RHOQ: variants seen among roughly 807,000 people sequenced by gnomAD.
RHOQ encodes the protein rho-related GTP-binding protein RhoQ.
A neutral mutation model predicts 25.8 loss-of-function variants in RHOQ; 7 were observed. The observed-to-expected ratio is 0.27, with a 90% CI of 0.15 to 0.51. The LOEUF (loss-of-function observed/expected upper bound fraction) is 0.51, where lower values mean the gene tolerates loss of function less well. Ranked by LOEUF, RHOQ falls within the 20% of genes least tolerant of loss-of-function variation. The pLI is 0.97. For synonymous variants in RHOQ, 97 were observed against 98.6 expected (o/e 0.98, Z 0.10); for missense variants, 165 against 260.6 (o/e 0.63, Z 2.53).
intron 2 of RHOQ, among the ~76,000 whole-genome samples, chr2:46,559,248 G>C (rs1304274406): frequency 6.6e-6 from 1 of 151,990 alleles, no homozygotes; most frequent in Non-Finnish European, 1.5e-5. Context: ...CACCTGCCTC[G>C]GCCTCTCAAA....
At chr2:46,561,795 C>T (rs1427020232) in intron 2 of RHOQ, among the ~76,000 whole-genome samples, 3 of 152,182 alleles carry the variant, frequency 2.0e-5, no homozygotes, top group Non-Finnish European at 4.4e-5. Context: ...GTAGGTCATA[C>T]TGTCTACCCC....
Position 46,576,052 on chromosome 2 carries a change from G to A in RHOQ, c.202-35G>A. 1 of 1,554,216 alleles carries A rather than the reference G, an allele frequency of 6.4e-7. No homozygotes were observed. The highest frequency in any genetic ancestry group is 8.7e-7 in the Non-Finnish European group (1 of 1,152,706). On this transcript the variant is annotated intron_variant, in intron 2 of 4. Coordinates refer to ENST00000238738, the MANE Select transcript of RHOQ (RefSeq NM_012249.4). This position sits in a 1 kb window ranked among gnomAD's most constrained non-coding sequence, Gnocchi z 5.1. Reference sequence around the variant, plus strand: ...CATATTACTAGTAAACAATAGAAATGTAAATACATAATGAGGCTTTTCTTT... The same window carrying A: ...CATATTACTAGTAAACAATAGAAATATAAATACATAATGAGGCTTTTCTTT...
chr2:46,561,452 C>T (rs1261308317), intron 2 of RHOQ, among the ~76,000 whole-genome samples: 4 of 151,996 alleles, frequency 2.6e-5, no homozygotes, highest in African/African-American at 7.3e-5. Context: ...ACAGAGTAGT[C>T]GTTCATCGGA....
intron 2 of RHOQ, among the ~76,000 whole-genome samples, chr2:46,562,197 C>T (rs1444986829): frequency 1.3e-5 from 2 of 152,162 alleles, no homozygotes; most frequent in African/African-American, 2.4e-5. Flanking sequence ...GAAACTCCCT[C>T]ATCCCCACTG....
intron 1 of RHOQ, chr2:46,543,545 G>C (rs1307471920): frequency 6.5e-6 from 4 of 610,824 alleles, no homozygotes; most frequent in Non-Finnish European, 5.9e-6. Flanking sequence ...TTGGGAGAAG[G>C]GGGTGGACGG....
rs993839275 is a variant in RHOQ at position 46,584,365 on chromosome 2, A to T, written c.*3282A>T. ...AAAGTATGAGTCCCTATACTCTGTT[A>T]AAAAAAGCTCACTGTTAAAGTATAG... On this transcript the variant is annotated 3_prime_UTR_variant, in exon 5 of 5. Transcript: ENST00000238738. 6.6e-6 allele frequency among the ~76,000 whole-genome samples: 1 copy of T among 152,104 alleles called. No homozygotes were observed. The highest frequency in any genetic ancestry group is 1.5e-5 in the Non-Finnish European group (1 of 67,988).
chr2:46,547,060 T>A (rs1258200718), intron 2 of RHOQ, among the ~76,000 whole-genome samples: 2 of 152,208 alleles, frequency 1.3e-5, no homozygotes, highest in African/African-American at 2.4e-5. Context: ...AGAAGAGAAA[T>A]AGCTTAGAGT....
chr2:46,547,577 C>T (rs753430536), intron 2 of RHOQ, among the ~76,000 whole-genome samples: 7 of 152,246 alleles, frequency 4.6e-5, no homozygotes, highest in Non-Finnish European at 1.0e-4. Context: ...ATGGGTGGTC[C>T]AGGAGCAGCT....
chr2:46,554,714 C>G (rs1205899733), intron 2 of RHOQ, among the ~76,000 whole-genome samples: 1 of 152,032 alleles, frequency 6.6e-6, no homozygotes, highest in African/African-American at 2.4e-5. Context: ...CCTGGCTGAC[C>G]TCTGCTTTCT....
Position 46,549,590 on chromosome 2 carries a change from A to G in RHOQ, c.201+5778A>G, listed in dbSNP as rs79391785. On this transcript the variant is annotated intron_variant, in intron 2 of 4. Coordinates refer to ENST00000238738, the MANE Select transcript of RHOQ (RefSeq NM_012249.4). Reference sequence around the variant, plus strand: ...GGAAGACCATGTGTGGCTCTTAAAAATTAAAATTCCTGATTCTCAGCTGTA... The same window carrying G: ...GGAAGACCATGTGTGGCTCTTAAAAGTTAAAATTCCTGATTCTCAGCTGTA... Among the ~76,000 whole-genome samples, 1,075 of 152,348 alleles carry G rather than the reference A, an allele frequency of 7.1e-3. 15 individuals are homozygous for G. The highest frequency in any genetic ancestry group is 0.023 in the African/African-American group (961 of 41,570).
At chr2:46,559,893 AG>A (rs765283172) in intron 2 of RHOQ, among the ~76,000 whole-genome samples, 1 of 152,112 alleles carries the variant, frequency 6.6e-6, no homozygotes, top group Non-Finnish European at 1.5e-5. Flanking sequence ...AGAGTGTTGG[AG>A]GGGGGTCTCA....
chr2:46,558,920 CT>C (rs895475879), intron 2 of RHOQ, among the ~76,000 whole-genome samples: 1 of 151,918 alleles, frequency 6.6e-6, no homozygotes, highest in Non-Finnish European at 1.5e-5. Flanking sequence ...TCTGGATGTT[CT>C]TTTTTTCTTT....
rs1668267679 is a variant in RHOQ at position 46,552,282 on chromosome 2, T to A, written c.201+8470T>A. The stretch of plus-strand genomic sequence containing the variant: ...TCCTCAAAAAGGAGCAGGCCCGAGG[T>A]GGCGCTGATGGCCCCATTGCTCAAG... On this transcript the variant is annotated intron_variant, in intron 2 of 4. Coordinates refer to ENST00000238738, the MANE Select transcript of RHOQ (RefSeq NM_012249.4). This position sits in a 1 kb window ranked among gnomAD's most constrained non-coding sequence, Gnocchi z 5.0. Among the ~76,000 whole-genome samples the A allele has an allele frequency of 6.6e-6, 1 of 152,130 alleles. No homozygotes were observed. The highest frequency in any genetic ancestry group is 2.4e-5 in the African/African-American group (1 of 41,428).
Position 46,564,672 on chromosome 2 carries a change from G to A in RHOQ, c.202-11415G>A, listed in dbSNP as rs1390057238. Among the ~76,000 whole-genome samples, 4 of 152,228 alleles carry A rather than the reference G, an allele frequency of 2.6e-5. No homozygotes were observed. In the South Asian group the frequency reaches 8.3e-4, roughly 31 times the overall value. On this transcript the variant is annotated intron_variant, in intron 2 of 4. Transcript: ENST00000238738. ...AGGCAGCACTGCAGCCTTCATCTGA[G>A]TGTAGTTACCAGGGTCTTCTCTTTG... is the stretch of plus-strand genomic sequence containing the variant.
intron 2 of RHOQ, among the ~76,000 whole-genome samples, chr2:46,575,707 C>T (rs1193996573): frequency 2.0e-5 from 3 of 152,006 alleles, no homozygotes; most frequent in Non-Finnish European, 4.4e-5. Context: ...TAGACTAGTG[C>T]CTGACACATA....
At chr2:46,559,127 G>A (rs1430866105) in intron 2 of RHOQ, among the ~76,000 whole-genome samples, 1 of 151,868 alleles carries the variant, frequency 6.6e-6, no homozygotes, top group Non-Finnish European at 1.5e-5. Context: ...CTAGTTTTTT[G>A]TTTGTTTGTT....
intron 2 of RHOQ, among the ~76,000 whole-genome samples, chr2:46,575,399 T>A (rs942909863): frequency 5.1e-5 from 7 of 138,226 alleles, no homozygotes; most frequent in Admixed American, 1.5e-4. Flanking sequence ...CTTTAAATCT[T>A]CACACACACA....
intron 2 of RHOQ, among the ~76,000 whole-genome samples, chr2:46,550,382 G>A (rs1668203903): frequency 6.6e-6 from 1 of 152,202 alleles, no homozygotes; most frequent in Non-Finnish European, 1.5e-5. Context: ...TACAGTAGAA[G>A]TCTTTAAGGT....
intron 2 of RHOQ, among the ~76,000 whole-genome samples, chr2:46,568,050 C>T (rs1015254066): frequency 8.6e-5 from 13 of 150,320 alleles, no homozygotes; most frequent in East Asian, 1.9e-4. Flanking sequence ...GCCTGGGTGA[C>T]GGAGTAAAAC....
Sources: allele counts gnomAD v4.1 joint callset (sites outside exome capture counted in the v4.1 genomes callset), GRCh38; gene constraint gnomAD v4.1.1; non-coding constraint Gnocchi (gnomAD v3.1); transcripts MANE v1.5; gene names NCBI Gene and HGNC (gene_info 2026-07-23, HGNC 2026-07-21).